The following NOTCH1 variants were observed in gnomAD, a reference collection of about 807,000 sequenced individuals.
The protein encoded by NOTCH1 is notch receptor 1.
Under a neutral mutation model 254.8 loss-of-function variants are expected in NOTCH1, and 37 were observed. That is an observed-to-expected ratio of 0.15 (90% confidence interval 0.11 to 0.19). The LOEUF (loss-of-function observed/expected upper bound fraction) is 0.19. Ranked by LOEUF, NOTCH1 falls within the 10% of genes least tolerant of loss-of-function variation. The pLI, the probability that NOTCH1 is intolerant of heterozygous loss-of-function variation, is 1.00. For synonymous variants in NOTCH1, 1,731 were observed against 1,618.1 expected (o/e 1.07, Z -1.68); for missense variants, 2,972 against 3,708.6 (o/e 0.80, Z 5.16).
intron 30 of NOTCH1, among the ~76,000 whole-genome samples, chr9:136,501,450 GAAAA>G: frequency 6.8e-6 from 1 of 146,816 alleles, no homozygotes; most frequent in South Asian, 2.1e-4. Flanking sequence ...AAAAAAAAAA[GAAAA>G]AAAAAAAGAA....
At chr9:136,510,421 A>C (rs950935272) in intron 17 of NOTCH1, 3 of 610,974 alleles carry the variant, frequency 4.9e-6, no homozygotes, top group African/African-American at 1.8e-5. Flanking sequence ...GAGCCGTGGG[A>C]GGGGCTCTCG....
intron 4 of NOTCH1, 173 bp downstream of exon 4, chr9:136,522,677 C>A (rs1843391116): frequency 3.1e-6 from 2 of 646,988 alleles, no homozygotes; most frequent in Non-Finnish European, 5.2e-6. Context: ...ACACCCCGCT[C>A]CAGACGCGTC....
chr9:136,528,392 TGGGGGGGGATGGGCAGGGACAGTGCGG>T (rs1843503025), intron 2 of NOTCH1, among the ~76,000 whole-genome samples: 1 of 16,766 alleles, frequency 6.0e-5, no homozygotes, highest in African/African-American at 2.6e-4. Flanking sequence ...GCAGGGACAG[TGGGGGGGGATGGGCAGGGACAGTGCGG>T]GGGGGATGGG....
intron 1 of NOTCH1, among the ~76,000 whole-genome samples, chr9:136,544,907 G>C (rs1399035956): frequency 6.6e-6 from 1 of 152,190 alleles, no homozygotes; most frequent in Non-Finnish European, 1.5e-5. Context: ...CTGAGAAACG[G>C]GGGAGGGGGG....
intron 2 of NOTCH1, among the ~76,000 whole-genome samples, chr9:136,529,853 T>G (rs1219081496): frequency 6.6e-6 from 1 of 152,214 alleles, no homozygotes; most frequent in Admixed American, 6.5e-5. Flanking sequence ...CCAGGCCTGT[T>G]CACCGTTGGA....
rs1843009580 is a variant in NOTCH1 at position 136,502,255 on chromosome 9, G to T, written c.5384+17C>A. The T allele has an allele frequency of 6.2e-7, 1 of 1,608,670 alleles. No individual in the cohort carries two copies. Among genetic ancestry groups the T allele is most frequent in the East Asian group, 2.2e-5 (1 of 44,718 alleles). On this transcript the variant is annotated intron_variant, in intron 28 of 33. Coordinates refer to ENST00000651671, the MANE Select transcript of NOTCH1 (RefSeq NM_017617.5). The stretch of plus-strand genomic sequence containing the variant: ...CCTCCCACCGGGGACCCAGAAGCAG[G>T]GGCGGCGTCCGCTCACTTGAGGCCC...
chr9:136,542,958 G>A (rs3013305), intron 2 of NOTCH1: 54,807 of 152,638 alleles, frequency 0.36, 10,580 homozygotes, highest in East Asian at 0.71. Flanking sequence ...AGGAGGGAGC[G>A]GTTCCGCACG....
In NOTCH1 at chr9:136,545,663, G is replaced by A. The variant is rs1453137798; in HGVS notation, c.61+63C>T. On this transcript the variant is annotated intron_variant, in intron 1 of 33. Coordinates refer to ENST00000651671, the MANE Select transcript of NOTCH1 (RefSeq NM_017617.5). The surrounding 1 kb of genome is among the most constrained non-coding windows in gnomAD (Gnocchi z 6.8). ...CTCCCAGCCGTGGGGCGCGCGCGCCGGGCGCCGCCAAAGTTTCCAAAGGGC... is the reference window on the plus strand; with the variant it reads ...CTCCCAGCCGTGGGGCGCGCGCGCCAGGCGCCGCCAAAGTTTCCAAAGGGC... 2 of 1,344,718 alleles carry A rather than the reference G, an allele frequency of 1.5e-6. No individual in the cohort carries two copies. Among genetic ancestry groups the A allele is most frequent in the Non-Finnish European group, 2.0e-6 (2 of 1,015,804 alleles). The allele number at this position is 1,344,718 out of a possible 1,614,324, so 83.3% of individuals were successfully genotyped here.
At position 136,512,914 on chromosome 9, in the gene NOTCH1, C is replaced by T. The variant is rs968324885; in HGVS notation, c.2467+107G>A. 1.7e-5 allele frequency: 7 copies of T among 409,068 alleles called. 1 individual carries two copies. Among genetic ancestry groups the T allele is most frequent in the South Asian group, 1.3e-4 (7 of 53,478 alleles). 25.3% of individuals were successfully genotyped at this position (409,068 alleles called of 1,614,324 possible). On this transcript the variant is annotated intron_variant, in intron 15 of 33. Transcript: ENST00000651671. ...GTCACGGCTTCCCAGGCCGCCCCCA[C>T]CCCTGGCCCCACCCTCTCCAGCACA...
rs1843071645 is a variant in NOTCH1 at position 136,505,700 on chromosome 9, T to C, written c.4196A>G (p.Asn1399Ser). The change falls in exon 25 of 34, where the codon AAC becomes AGC. Residue 1399 changes from asparagine to serine, a missense_variant. Transcript: ENST00000651671. ...GGATGTGGGCTCACAGGTCCCCTGG[T>C]TGTAGCAGGGGTTGCCGCCCAGGCA... ...SPCLGGNPCY[N>S]QGTCEPTSES... 1 of 1,606,862 alleles carries C rather than the reference T, an allele frequency of 6.2e-7. No individual in the cohort carries two copies.
intron 33 of NOTCH1, among the ~76,000 whole-genome samples, chr9:136,497,947 G>A (rs1424605697): frequency 6.6e-6 from 1 of 152,178 alleles, no homozygotes; most frequent in African/African-American, 2.4e-5. Context: ...ACCAGGGAGG[G>A]AGCTCGTCAT....
chr9:136,500,951 G>T, intron 30 of NOTCH1, 104 bp from the exon 31 acceptor site: 1 of 1,282,532 alleles, frequency 7.8e-7, no homozygotes, highest in Non-Finnish European at 1.1e-6. Flanking sequence ...CGGTGTGGAT[G>T]CACCACCCAG....
chr9:136,500,937 G>A, intron 30 of NOTCH1, 90 bp from the exon 31 acceptor site: 1 of 1,418,416 alleles, frequency 7.1e-7, no homozygotes, highest in Non-Finnish European at 9.4e-7. Context: ...AGCTCAAGGG[G>A]CCACGGTGTG....
chr9:136,520,782 CAT>C (rs1178533065), intron 4 of NOTCH1, among the ~76,000 whole-genome samples: 3 of 151,980 alleles, frequency 2.0e-5, no homozygotes, highest in African/African-American at 7.3e-5. Flanking sequence ...CGGTCCCACT[CAT>C]GTGTGGGGCC....
intron 2 of NOTCH1, among the ~76,000 whole-genome samples, chr9:136,525,728 T>C (rs1479470603): frequency 6.6e-6 from 1 of 152,210 alleles, no homozygotes; most frequent in Non-Finnish European, 1.5e-5. Context: ...CTGTGCTATG[T>C]GTGGCAGTGG....
At position 136,507,000 on chromosome 9, in the gene NOTCH1, C is replaced by A. The variant is rs543250140; in HGVS notation, c.3644-27G>T. The A allele has an allele frequency of 7.1e-6, 11 of 1,551,848 alleles. No homozygotes were observed. The highest frequency in any genetic ancestry group is 1.9e-5 in the Admixed American group (1 of 51,420). On this transcript the variant is annotated intron_variant, in intron 22 of 33. Transcript: ENST00000651671. The surrounding 1 kb of genome is among the most constrained non-coding windows in gnomAD (Gnocchi z 4.5). ...TGCGGGGCCAGGTTTCGTCAGTGGCCCAAGCCCGCCACACCCCGGCCCTGC... is the reference window on the plus strand; with the variant it reads ...TGCGGGGCCAGGTTTCGTCAGTGGCACAAGCCCGCCACACCCCGGCCCTGC...
Position 136,516,090 on chromosome 9 carries a change from G to T in NOTCH1, c.1560C>A (p.Phe520Leu). 1 of 1,609,244 alleles carries T rather than the reference G, an allele frequency of 6.2e-7. No homozygotes were observed. The change falls in exon 10 of 34, where the codon TTC (phenylalanine) becomes TTA (leucine). Residue 520 changes from phenylalanine to leucine, a missense_variant. Transcript: ENST00000651671. ...NEFQCECPTG[F>L]TGHLCQYDVD... ...CATCGTACTGGCACAGATGCCCAGT[G>T]AAGCCTGGGGCCGGGGAGGGGAGGG...
intron 33 of NOTCH1, among the ~76,000 whole-genome samples, chr9:136,498,241 C>T (rs1370699763): frequency 2.0e-3 from 9 of 4,544 alleles, no homozygotes; most frequent in Admixed American, 6.0e-3. Flanking sequence ...GAGTTGGGGG[C>T]GGGGGTGGGG....
In NOTCH1 at chr9:136,502,238, C is replaced by T. The variant is rs75842134; in HGVS notation, c.5384+34G>A. The T allele has an allele frequency of 0.064, 102,254 of 1,600,996 alleles. 11,658 individuals carry two copies. The highest frequency in any genetic ancestry group is 0.64 in the East Asian group (28,175 of 44,330). ...TGCTCGGCCAGGTCCCACCTCCCAC[C>T]GGGGACCCAGAAGCAGGGGCGGCGT... On this transcript the variant is annotated intron_variant, in intron 28 of 33. Transcript: ENST00000651671.
Sources: allele counts gnomAD v4.1 joint callset (sites outside exome capture counted in the v4.1 genomes callset), GRCh38; gene constraint gnomAD v4.1.1; non-coding constraint Gnocchi (gnomAD v3.1); transcripts MANE v1.5; gene names NCBI Gene and HGNC (gene_info 2026-07-23, HGNC 2026-07-21).